Variants in MBD5 observed in about 807,000 individuals in gnomAD.
The protein encoded by MBD5 is methyl-CpG binding domain protein 5, also known as methyl-CpG-binding domain protein 5.
In MBD5, 13 loss-of-function variants were observed where a neutral mutation model predicts 117.3. The ratio of observed to expected loss-of-function variants is 0.11; its 90% CI spans 0.07 to 0.18. The LOEUF (loss-of-function observed/expected upper bound fraction) is 0.18, where lower values mean the gene tolerates loss of function less well. Among genes scored for constraint, MBD5 ranks in the 10% least tolerant of loss-of-function variants. The pLI is 1.00. For synonymous variants in MBD5, 727 were observed against 766.4 expected, an observed-to-expected ratio of 0.95 and a Z score of 0.85; for missense variants, 1,879 against 2,093.8, an observed-to-expected ratio of 0.90 and a Z score of 2.00.
intron 1 of MBD5, chr2:148,044,591 A>AGAT (rs1694463253): frequency 6.6e-6 from 1 of 152,164 alleles, no homozygotes; most frequent in Non-Finnish European, 1.5e-5. Context: ...AATAAATATA[A>AGAT]GATGATGAGT....
intron 11 of MBD5, among the ~76,000 whole-genome samples, chr2:148,495,829 T>G (rs570202387): frequency 2.6e-5 from 4 of 152,272 alleles, no homozygotes; most frequent in Admixed American, 2.0e-4. Flanking sequence ...ACCAAATCTA[T>G]TGGGGGGCAA....
chr2:148,036,389 C>A (rs780543665), intron 1 of MBD5, among the ~76,000 whole-genome samples: 12 of 152,098 alleles, frequency 7.9e-5, no homozygotes, highest in Non-Finnish European at 1.6e-4. Flanking sequence ...CATTAGTTGG[C>A]AAAGTAAATG....
At chr2:148,370,267 A>C (rs966650748) in intron 4 of MBD5, among the ~76,000 whole-genome samples, 15 of 152,160 alleles carry the variant, frequency 9.9e-5, no homozygotes, top group African/African-American at 3.6e-4. Context: ...ATGGTTTTTA[A>C]AAACTTGGCA....
chr2:148,395,177 A>G (rs548360093), intron 4 of MBD5, among the ~76,000 whole-genome samples: 1 of 152,084 alleles, frequency 6.6e-6, no homozygotes, highest in South Asian at 2.1e-4. Flanking sequence ...GCTTCTCTCT[A>G]TTCATGTTTG....
chr2:148,212,204 C>G (rs1005649490), intron 2 of MBD5, among the ~76,000 whole-genome samples: 1 of 152,198 alleles, frequency 6.6e-6, no homozygotes, highest in South Asian at 2.1e-4. Flanking sequence ...TTTCCTCACT[C>G]CAAAAAGAAA....
intron 3 of MBD5, among the ~76,000 whole-genome samples, chr2:148,258,907 C>T (rs146661447): frequency 9.9e-5 from 15 of 152,248 alleles, no homozygotes; most frequent in Admixed American, 7.8e-4. Context: ...CCCTGAGAGC[C>T]GCCATAGCAG....
intron 4 of MBD5, among the ~76,000 whole-genome samples, chr2:148,368,824 A>C (rs998036872): frequency 6.6e-6 from 1 of 152,176 alleles, no homozygotes; most frequent in Non-Finnish European, 1.5e-5. Flanking sequence ...AAATGATTTT[A>C]TAACTCTATT....
chr2:148,454,977 A>G (rs1046514513), intron 4 of MBD5, among the ~76,000 whole-genome samples: 2 of 152,044 alleles, frequency 1.3e-5, no homozygotes, highest in African/African-American at 4.8e-5. Flanking sequence ...CAATTTTTCT[A>G]ATCTGTGAGC....
At chr2:148,500,290 T>TTA (rs1574495558) in intron 11 of MBD5, among the ~76,000 whole-genome samples, 1 of 151,908 alleles carries the variant, frequency 6.6e-6, no homozygotes, top group Non-Finnish European at 1.5e-5. Context: ...GTGTGTAATT[T>TTA]TATATATATA....
intron 2 of MBD5, among the ~76,000 whole-genome samples, chr2:148,215,367 C>T (rs546015554): frequency 1.3e-5 from 2 of 152,154 alleles, no homozygotes; most frequent in South Asian, 4.2e-4. Flanking sequence ...GTAAACAAAG[C>T]TCAATAGAAA....
intron 1 of MBD5, among the ~76,000 whole-genome samples, chr2:148,032,068 T>C (rs1282294361): frequency 6.6e-6 from 1 of 152,160 alleles, no homozygotes; most frequent in Non-Finnish European, 1.5e-5. Context: ...AGAGTTCTAA[T>C]ATGGCTCTGT....
intron 1 of MBD5, among the ~76,000 whole-genome samples, chr2:148,158,575 T>C (rs1697927562): frequency 6.6e-6 from 1 of 152,228 alleles, no homozygotes; most frequent in Non-Finnish European, 1.5e-5. Flanking sequence ...TGGCCGTTTA[T>C]ACTGTCATTT....
At chr2:148,091,299 A>G (rs1223192037) in intron 1 of MBD5, among the ~76,000 whole-genome samples, 1 of 152,146 alleles carries the variant, frequency 6.6e-6, no homozygotes, top group African/African-American at 2.4e-5. Flanking sequence ...CAGAACTAGA[A>G]AAAACAATCC....
intron 1 of MBD5, among the ~76,000 whole-genome samples, chr2:148,102,528 T>C (rs1043761041): frequency 6.6e-6 from 1 of 152,114 alleles, no homozygotes; most frequent in East Asian, 1.9e-4. Flanking sequence ...TGCAGAATTC[T>C]AGGCCATATC....
intron 2 of MBD5, among the ~76,000 whole-genome samples, chr2:148,185,278 C>T (rs1236748132): frequency 1.3e-5 from 2 of 152,164 alleles, no homozygotes; most frequent in South Asian, 2.1e-4. Context: ...CACTTTCTTC[C>T]CTGGGAGTTT....
At chr2:148,285,805 C>A (rs898923253) in intron 3 of MBD5, among the ~76,000 whole-genome samples, 3 of 152,144 alleles carry the variant, frequency 2.0e-5, no homozygotes, top group Non-Finnish European at 4.4e-5. Flanking sequence ...GCCATCCACC[C>A]ACCTTGGCCT....
At chr2:148,406,385 C>T (rs1407161293) in intron 4 of MBD5, among the ~76,000 whole-genome samples, 1 of 152,118 alleles carries the variant, frequency 6.6e-6, no homozygotes, top group Non-Finnish European at 1.5e-5. Flanking sequence ...GAGTTAACTA[C>T]AGAGAAGCAG....
intron 1 of MBD5, among the ~76,000 whole-genome samples, chr2:148,173,077 C>T (rs1698300091): frequency 6.6e-6 from 1 of 152,164 alleles, no homozygotes; most frequent in African/African-American, 2.4e-5. Flanking sequence ...ACTTGGGACC[C>T]GCCGAATGGC....
chr2:148,067,323 G>A (rs1695229292), intron 1 of MBD5, among the ~76,000 whole-genome samples: 1 of 152,188 alleles, frequency 6.6e-6, no homozygotes, highest in Non-Finnish European at 1.5e-5. Flanking sequence ...GCAATTGTTA[G>A]TGACAATAAT....
Sources: allele counts gnomAD v4.1 joint callset (sites outside exome capture counted in the v4.1 genomes callset), GRCh38; gene constraint gnomAD v4.1.1; transcripts MANE v1.5; gene names NCBI Gene and HGNC (gene_info 2026-07-23, HGNC 2026-07-21).